CREBRF: variants seen among roughly 807,000 people sequenced by gnomAD.
CREBRF encodes UPF0474 protein C5orf41.
A neutral mutation model predicts 66.1 loss-of-function variants in CREBRF; 5 were observed. The observed-to-expected ratio is 0.08, with a 90% CI of 0.04 to 0.16. CREBRF has a LOEUF of 0.16. Ranked by LOEUF, CREBRF falls within the 10% of genes least tolerant of loss-of-function variation. The pLI is 1.00. For missense variants in CREBRF, 531 were observed against 744.9 expected, an observed-to-expected ratio of 0.71 and a Z score of 3.34; for synonymous variants, 229 against 264.4, an observed-to-expected ratio of 0.87 and a Z score of 1.30.
At chr5:173,096,155 G>A (rs1456340825) in intron 4 of CREBRF, among the ~76,000 whole-genome samples, 2 of 152,022 alleles carry the variant, frequency 1.3e-5, no homozygotes, top group Admixed American at 1.3e-4. Context: ...ATTTTTAGTA[G>A]AGGCGGGGTT....
At chr5:173,100,118 G>GTGTA (rs70984939) in intron 4 of CREBRF, among the ~76,000 whole-genome samples, 13,793 of 88,254 alleles carry the variant, frequency 0.16, 1,932 homozygotes, top group Non-Finnish European at 0.23. Flanking sequence ...GTGTGTGTGT[G>GTGTA]TATATATATA....
At position 173,086,614 on chromosome 5, in the gene CREBRF, C is replaced by T; in HGVS notation, c.123C>T (p.Phe41=). The change falls in exon 3 of 9, where the codon TTC becomes TTT. Residue 41 remains phenylalanine, a synonymous_variant. Transcript: ENST00000296953. ...TAGCAAACAGTTCGGATCCAGATTT[C>T]ATGTATGAACTGGTAAGCAACATTT... ...DLLANSSDPD[F]MYELDREMNY... is the part of the protein sequence containing the mutation. 6.2e-7 allele frequency: 1 copy of T among 1,610,572 alleles called. No homozygotes were observed. Among genetic ancestry groups the T allele is most frequent in the Non-Finnish European group, 8.5e-7 (1 of 1,178,576 alleles).
intron 7 of CREBRF, among the ~76,000 whole-genome samples, chr5:173,114,326 A>C (rs906086294): frequency 3.3e-5 from 5 of 152,114 alleles, no homozygotes; most frequent in African/African-American, 1.2e-4. Flanking sequence ...CGCCTCCTAG[A>C]TATCTGGAAG....
At chr5:173,073,169 C>A (rs1464554436) in intron 1 of CREBRF, among the ~76,000 whole-genome samples, 2 of 152,106 alleles carry the variant, frequency 1.3e-5, no homozygotes, top group Non-Finnish European at 2.9e-5. Flanking sequence ...ATCTCTGAGG[C>A]CCAAAGAGTA....
chr5:173,115,512 A>G (rs1433302520), intron 7 of CREBRF, among the ~76,000 whole-genome samples: 1 of 152,234 alleles, frequency 6.6e-6, no homozygotes, highest in East Asian at 1.9e-4. Flanking sequence ...TCCTTGAGTA[A>G]GTAGTCTTCT....
In CREBRF at chr5:173,107,930, C is replaced by G. The variant is rs574259755; in HGVS notation, c.1223-694C>G. On this transcript the variant is annotated intron_variant, in intron 4 of 8. Transcript: ENST00000296953. ...CACTGCAACATCCGCCTCCTGAGTT[C>G]AAGTGATTCTCATGTCTGTGCCTCC... Among the ~76,000 whole-genome samples, 7 of 148,608 alleles carry G rather than the reference C, an allele frequency of 4.7e-5. No individual in the cohort carries two copies. The South Asian group carries it at 1.3e-3, about 27-fold the overall frequency.
At chr5:173,129,718 CA>C (rs36113811) in intron 8 of CREBRF, among the ~76,000 whole-genome samples, 1,839 of 105,630 alleles carry the variant, frequency 0.017, 23 homozygotes, top group African/African-American at 0.04. Flanking sequence ...GACCTCATCT[CA>C]AAAAAAAAAA....
At chr5:173,089,317 C>G (rs1051784205) in intron 3 of CREBRF, among the ~76,000 whole-genome samples, 1 of 151,858 alleles carries the variant, frequency 6.6e-6, no homozygotes, top group Non-Finnish European at 1.5e-5. Context: ...ACCTTCCAAA[C>G]CTTTTACCAA....
At chr5:173,097,629 A>G (rs1758509579) in intron 4 of CREBRF, among the ~76,000 whole-genome samples, 1 of 151,898 alleles carries the variant, frequency 6.6e-6, no homozygotes, top group South Asian at 2.1e-4. Context: ...CAGTCTTGGT[A>G]TGTTTCTAGG....
chr5:173,128,661 A>G (rs1330653509), intron 8 of CREBRF, among the ~76,000 whole-genome samples: 1 of 152,052 alleles, frequency 6.6e-6, no homozygotes, highest in Non-Finnish European at 1.5e-5. Flanking sequence ...ATTATCACGA[A>G]TGCAGCTTTC....
At chr5:173,104,284 A>C (rs890733223) in intron 4 of CREBRF, among the ~76,000 whole-genome samples, 3 of 152,196 alleles carry the variant, frequency 2.0e-5, no homozygotes, top group African/African-American at 7.2e-5. Context: ...AGTGTTCTTC[A>C]GAATCTAGTT....
intron 8 of CREBRF, among the ~76,000 whole-genome samples, chr5:173,130,662 T>A (rs1228825104): frequency 1.3e-5 from 2 of 152,098 alleles, no homozygotes; most frequent in Admixed American, 1.3e-4. Context: ...TAGCTAGGAC[T>A]ACAGATGTGC....
At chr5:173,101,943 T>C (rs1758639156) in intron 4 of CREBRF, among the ~76,000 whole-genome samples, 2 of 152,222 alleles carry the variant, frequency 1.3e-5, no homozygotes. Context: ...CTTGATGGTG[T>C]CCTATAAATC....
chr5:173,091,151 A>C lies in CREBRF; in HGVS notation c.972A>C (p.Ser324=). 1 of 1,614,226 alleles carries C rather than the reference A, an allele frequency of 6.2e-7. No individual in the cohort carries two copies. The highest frequency in any genetic ancestry group is 1.1e-5 in the South Asian group (1 of 91,080). Residue 324 remains serine (S), a synonymous_variant, in exon 4 of 9, where the codon TCA becomes TCC. Coordinates refer to ENST00000296953, the MANE Select transcript of CREBRF (RefSeq NM_153607.3). ...GESSSLSAST[S]VSDSSQKKEE... is the part of the protein sequence containing the mutation. ...GCAGCAGTCTTTCTGCCAGTACATCAGTCTCAGATTCATCCCAGAAAAAAG... is the reference window on the plus strand; with the variant it reads ...GCAGCAGTCTTTCTGCCAGTACATCCGTCTCAGATTCATCCCAGAAAAAAG...
chr5:173,100,294 G>C (rs1222397235), intron 4 of CREBRF, among the ~76,000 whole-genome samples: 1 of 151,334 alleles, frequency 6.6e-6, no homozygotes, highest in South Asian at 2.1e-4. Context: ...TTTATATATA[G>C]TTATTTTTAA....
rs926875487 is a variant in CREBRF, at chr5:173,134,145, T to C, written c.*400T>C. ...CAGTCGGTTTAAATTGTTTTTAGAA[T>C]TATTGCTTTTTGTTCTAATTTTCCA... On this transcript the variant is annotated 3_prime_UTR_variant, in exon 9 of 9. Coordinates refer to ENST00000296953, the MANE Select transcript of CREBRF (RefSeq NM_153607.3). The C allele has an allele frequency of 6.5e-6, 1 of 153,442 alleles. No individual in the cohort carries two copies. The highest frequency in any genetic ancestry group is 2.4e-5 in the African/African-American group (1 of 41,398). 9.5% of individuals were successfully genotyped at this position (153,442 alleles called of 1,614,324 possible).
At chr5:173,082,931 A>AAC (rs1758005896) in intron 2 of CREBRF, among the ~76,000 whole-genome samples, 9 of 142,142 alleles carry the variant, frequency 6.3e-5, no homozygotes, top group Non-Finnish European at 9.0e-5. Flanking sequence ...AAAAAAAAAA[A>AAC]AAAAAAAAAA....
intron 8 of CREBRF, among the ~76,000 whole-genome samples, chr5:173,124,919 C>CTT (rs373993898): frequency 2.8e-4 from 32 of 112,720 alleles, no homozygotes; most frequent in Non-Finnish European, 5.2e-4. Flanking sequence ...TCTTCTTCTT[C>CTT]TTTTTTTTTT....
At chr5:173,095,759 T>G (rs990879477) in intron 4 of CREBRF, among the ~76,000 whole-genome samples, 1 of 152,100 alleles carries the variant, frequency 6.6e-6, no homozygotes, top group African/African-American at 2.4e-5. Context: ...ACCAATGTTG[T>G]ATAGTTTTCA....
Sources: gnomAD v4.1 joint callset for allele counts (sites outside exome capture counted in the v4.1 genomes callset) on GRCh38, gnomAD v4.1.1 for gene constraint, MANE v1.5 for transcripts, NCBI Gene and HGNC (gene_info 2026-07-23, HGNC 2026-07-21) for gene names.